Variants in PRKAR1B observed in about 807,000 individuals in gnomAD.
PRKAR1B encodes the protein protein kinase cAMP-dependent type I regulatory subunit beta, also known as cAMP-dependent protein kinase type I-beta regulatory subunit.
In PRKAR1B, 22 loss-of-function variants were observed where a neutral mutation model predicts 46.5. The ratio of observed to expected loss-of-function variants is 0.47; its 90% CI spans 0.34 to 0.68. The LOEUF (loss-of-function observed/expected upper bound fraction) is 0.68, where lower values mean the gene tolerates loss of function less well. Among genes scored for constraint, PRKAR1B ranks in the 30% least tolerant of loss-of-function variants. The pLI, the probability that PRKAR1B is intolerant of heterozygous loss-of-function variation, is 0.01. For missense variants in PRKAR1B, 445 were observed against 535.6 expected (o/e 0.83, Z 1.67); for synonymous variants, 259 against 217.7 (o/e 1.19, Z -1.67).
At chr7:694,964 A>C (rs1312919515) in intron 2 of PRKAR1B, among the ~76,000 whole-genome samples, 2 of 150,080 alleles carry the variant, frequency 1.3e-5, no homozygotes, top group African/African-American at 5.0e-5. Flanking sequence ...TGAACCCAGG[A>C]GGCGGAAGTT....
chr7:650,987 C>T (rs1207769981), intron 4 of PRKAR1B, among the ~76,000 whole-genome samples: 1 of 152,174 alleles, frequency 6.6e-6, no homozygotes, highest in African/African-American at 2.4e-5. Flanking sequence ...CATCACCTCT[C>T]TGGACCAGGA....
chr7:671,198 A>C (rs1786236548), intron 4 of PRKAR1B, among the ~76,000 whole-genome samples: 1 of 151,792 alleles, frequency 6.6e-6, no homozygotes, highest in South Asian at 2.1e-4. Context: ...GCCTTCATCG[A>C]GCTCCGCAGA....
In PRKAR1B at chr7:674,484, C is replaced by G. The variant is rs111914577; in HGVS notation, c.440+2745G>C. Among the ~76,000 whole-genome samples the G allele has an allele frequency of 8.6e-4, 129 of 149,724 alleles. No homozygotes were observed. In the Middle Eastern group the frequency reaches 0.014, roughly 16 times the overall value. On this transcript the variant is annotated intron_variant, in intron 4 of 10. Coordinates refer to ENST00000537384, the MANE Select transcript of PRKAR1B (RefSeq NM_001164760.2). ...GCTACTCCAACCAAACCCAGCTATT[C>G]CAGCCACACTCAGCTATTCGAGTAG...
chr7:583,447 TCA>T (rs1367308274), intron 8 of PRKAR1B, among the ~76,000 whole-genome samples: 9 of 48,036 alleles, frequency 1.9e-4, no homozygotes, highest in South Asian at 4.9e-4. Context: ...CAGTGCACAC[TCA>T]CACCCACTCA....
chr7:577,624 C>T (rs1164218553), intron 9 of PRKAR1B, among the ~76,000 whole-genome samples: 2 of 152,166 alleles, frequency 1.3e-5, no homozygotes, highest in African/African-American at 4.8e-5. Context: ...CTCCGGACGA[C>T]GGACGCACTG....
chr7:593,316 C>T lies in PRKAR1B; in HGVS notation c.708+2830G>A, dbSNP rs1336029903. Among the ~76,000 whole-genome samples, 1 of 152,168 alleles carries T rather than the reference C, an allele frequency of 6.6e-6. No homozygotes were observed. On this transcript the variant is annotated intron_variant, in intron 7 of 10. Transcript: ENST00000537384. This position sits in a 1 kb window ranked among gnomAD's most constrained non-coding sequence, Gnocchi z 6.1. The stretch of plus-strand genomic sequence containing the variant: ...TCCCCCAGGTCCCAGCACGTCCCAG[C>T]TCGGGACTAAGGCAGAAACAGGAGC...
At chr7:710,086 T>C (rs940979032) in intron 2 of PRKAR1B, among the ~76,000 whole-genome samples, 1 of 152,200 alleles carries the variant, frequency 6.6e-6, no homozygotes, top group African/African-American at 2.4e-5. Flanking sequence ...TTGCATGGAC[T>C]GCTTCCAAGG....
chr7:657,616 C>T (rs73046075), intron 4 of PRKAR1B, among the ~76,000 whole-genome samples: 13,170 of 152,210 alleles, frequency 0.087, 742 homozygotes, highest in South Asian at 0.24. Flanking sequence ...GGCTGAGGCG[C>T]CGTTTTGGGC....
intron 1 of PRKAR1B, among the ~76,000 whole-genome samples, chr7:717,590 C>T (rs946606985): frequency 4.6e-5 from 7 of 150,902 alleles, no homozygotes; most frequent in African/African-American, 1.5e-4. Context: ...CACAAGAGTT[C>T]GAGGCTGCAG....
At chr7:563,666 TGTGTGCAC>T (rs777199390) in intron 9 of PRKAR1B, among the ~76,000 whole-genome samples, 2 of 152,096 alleles carry the variant, frequency 1.3e-5, no homozygotes, top group African/African-American at 4.8e-5. Context: ...TGTGTGAGCA[TGTGTGCAC>T]GTGTGCATAC....
rs1011785839 is a variant in PRKAR1B, at chr7:680,874, G to A, written c.178-148C>T. 143 of 895,726 alleles carry A rather than the reference G, an allele frequency of 1.6e-4. 1 individual carries two copies. Among genetic ancestry groups the A allele is most frequent in the Middle Eastern group, 9.6e-4 (3 of 3,130 alleles). The allele number at this position is 895,726 out of a possible 1,614,324, so 55.5% of individuals were successfully genotyped here. A position where few individuals can be genotyped will look rare whatever the true frequency, so the allele number is the denominator to read the frequency against. On this transcript the variant is annotated intron_variant, in intron 2 of 10. Transcript: ENST00000537384. ...AGTTGGACATACGGTTAGGCTTTGT[G>A]TCCCCACCCAAATCTCTTTTTCTGT...
intron 8 of PRKAR1B, among the ~76,000 whole-genome samples, chr7:580,743 A>G (rs966765563): frequency 9.6e-6 from 1 of 104,652 alleles, no homozygotes; most frequent in Non-Finnish European, 2.0e-5. Context: ...TTCTTTTTTG[A>G]CAAAAAAAAA....
chr7:664,775 G>A (rs559873719), intron 4 of PRKAR1B, among the ~76,000 whole-genome samples: 1 of 152,026 alleles, frequency 6.6e-6, no homozygotes, highest in African/African-American at 2.4e-5. Context: ...ATAGCTGGGT[G>A]TGGTGGTGCA....
At chr7:561,989 CGCAGCTGCCATGGAA>C (rs1162533812) in intron 9 of PRKAR1B, 1 of 152,346 alleles carries the variant, frequency 6.6e-6, no homozygotes, top group East Asian at 1.9e-4. Context: ...CCGGGACCTA[CGCAGCTGCCATGGAA>C]GCTCCGGTGG....
intron 1 of PRKAR1B, among the ~76,000 whole-genome samples, chr7:715,050 T>TC (rs1211977308): frequency 3.3e-5 from 5 of 152,008 alleles, no homozygotes; most frequent in African/African-American, 1.2e-4. Context: ...CCGGGCATGG[T>TC]CATGCACGCC....
At chr7:568,828 C>G (rs1037295600) in intron 9 of PRKAR1B, among the ~76,000 whole-genome samples, 7 of 152,184 alleles carry the variant, frequency 4.6e-5, no homozygotes, top group African/African-American at 1.7e-4. Context: ...ACCTTGGAAC[C>G]AGCCACTGCA....
At chr7:615,086 AAAG>A (rs941715929) in intron 4 of PRKAR1B, among the ~76,000 whole-genome samples, 6 of 151,640 alleles carry the variant, frequency 4.0e-5, no homozygotes, top group Admixed American at 6.6e-5. Context: ...CTAAAAACAG[AAAG>A]AAGGAGAGAG....
chr7:681,988 C>G (rs1778710132), intron 2 of PRKAR1B, among the ~76,000 whole-genome samples: 1 of 152,068 alleles, frequency 6.6e-6, no homozygotes, highest in Admixed American at 6.6e-5. Context: ...GAGCTGAGCC[C>G]CTTTCTCACT....
At chr7:702,262 A>AAT (rs755612558) in intron 2 of PRKAR1B, among the ~76,000 whole-genome samples, 11 of 152,180 alleles carry the variant, frequency 7.2e-5, no homozygotes, top group Non-Finnish European at 1.6e-4. Flanking sequence ...AGTACTAAAA[A>AAT]ATAATCAAAT....
Sources: allele counts gnomAD v4.1 joint callset (sites outside exome capture counted in the v4.1 genomes callset), GRCh38; gene constraint gnomAD v4.1.1; non-coding constraint Gnocchi (gnomAD v3.1); transcripts MANE v1.5; gene names NCBI Gene and HGNC (gene_info 2026-07-23, HGNC 2026-07-21).